YES1: variants seen among roughly 807,000 people sequenced by gnomAD.
The protein encoded by YES1 is YES proto-oncogene 1, Src family tyrosine kinase, also known as tyrosine-protein kinase Yes.
YES1 carries 39 observed loss-of-function variants against 70.4 expected under a neutral mutation model. The observed-to-expected ratio is 0.55, with a 90% CI of 0.43 to 0.72. The LOEUF (loss-of-function observed/expected upper bound fraction) is 0.72. Ranked by LOEUF, YES1 falls within the 30% of genes least tolerant of loss-of-function variation. YES1 has a pLI of 0.00. For missense variants in YES1, 495 were observed against 644.8 expected (o/e 0.77, Z 2.52); for synonymous variants, 198 against 218.6 (o/e 0.91, Z 0.83).
rs1038466424 is a variant in YES1 at position 722,008 on chromosome 18, TTAAG to T, written c.*2412_*2415del. The T allele has an allele frequency of 1.7e-5, 2 of 117,420 alleles. No individual in the cohort carries two copies. Among genetic ancestry groups the T allele is most frequent in the Admixed American group, 1.8e-4 (2 of 10,988 alleles). The allele number at this position is 117,420 out of a possible 1,614,324, so 7.3% of individuals were successfully genotyped here. On this transcript the variant is annotated 3_prime_UTR_variant, in exon 12 of 12. Coordinates refer to ENST00000314574, the MANE Select transcript of YES1 (RefSeq NM_005433.4). ...CAGAACAATTTAAAATGAATACACATTAAGTTAGTGTTTTATCCCTACTATACAA... is the reference window on the plus strand; with the variant it reads ...CAGAACAATTTAAAATGAATACACATTTAGTGTTTTATCCCTACTATACAA...
intron 2 of YES1, among the ~76,000 whole-genome samples, chr18:752,274 A>AT (rs1296839775): frequency 6.6e-6 from 1 of 151,998 alleles, no homozygotes; most frequent in Admixed American, 6.6e-5. Context: ...CACCTAGTTA[A>AT]TTTTTTTGTA....
intron 1 of YES1, among the ~76,000 whole-genome samples, chr18:808,000 G>A (rs1208742580): frequency 2.6e-5 from 4 of 152,120 alleles, no homozygotes; most frequent in Non-Finnish European, 5.9e-5. Context: ...CCTAGATTTG[G>A]GGGGGAAAAG....
chr18:764,976 C>T (rs895008500), intron 1 of YES1, among the ~76,000 whole-genome samples: 3 of 151,874 alleles, frequency 2.0e-5, no homozygotes, highest in Admixed American at 1.3e-4. Flanking sequence ...CCTTGTGATC[C>T]GTCCGCCTTA....
At position 724,465 on chromosome 18, in the gene YES1, T is replaced by A; in HGVS notation, c.1591A>T (p.Thr531Ser). 2 of 1,614,198 alleles carry A rather than the reference T, an allele frequency of 1.2e-6. No individual in the cohort carries two copies. The highest frequency in any genetic ancestry group is 1.7e-6 in the Non-Finnish European group (2 of 1,180,032). ...YIQSFLEDYF[T>S]ATEPQYQPGE... Reference sequence around the variant, plus strand: ...GGCTGGTACTGTGGCTCTGTAGCAGTGAAGTAGTCTTCCAAGAAGGACTGA... The same window carrying A: ...GGCTGGTACTGTGGCTCTGTAGCAGAGAAGTAGTCTTCCAAGAAGGACTGA... The change falls in exon 12 of 12, where the codon ACT (threonine) becomes TCT (serine). Residue 531 changes from threonine (T) to serine (S), a missense_variant. Thr to Ser is a moderately conservative substitution (Grantham distance 58, BLOSUM62 1). This residue lies in a region of YES1 where 385 missense variants were observed against 540.9 expected (regional missense o/e 0.71). Coordinates refer to ENST00000314574, the MANE Select transcript of YES1 (RefSeq NM_005433.4).
At chr18:736,694 A>G in intron 10 of YES1, 114 bp downstream of exon 10, 2 of 1,362,032 alleles carry the variant, frequency 1.5e-6, no homozygotes, top group South Asian at 1.5e-5. Context: ...CAATGTCTCT[A>G]TGACTCTTCT....
At chr18:798,913 T>C (rs1033955210) in intron 1 of YES1, among the ~76,000 whole-genome samples, 4 of 152,212 alleles carry the variant, frequency 2.6e-5, no homozygotes, top group Non-Finnish European at 5.9e-5. Context: ...CGTCAAAGGT[T>C]CTTTCTAGAA....
intron 11 of YES1, among the ~76,000 whole-genome samples, chr18:726,781 C>CAAAAAAAAAAAAAAAAAAAAAAAAAAAAA (rs58322434): frequency 2.1e-5 from 1 of 47,232 alleles, no homozygotes; most frequent in African/African-American, 8.7e-5. Context: ...ACTCTTGTCT[C>CAAAAAAAAAAAAAAAAAAAAAAAAAAAAA]AAAAAAAAAA....
intron 1 of YES1, among the ~76,000 whole-genome samples, chr18:791,007 T>C (rs1306954463): frequency 1.3e-5 from 2 of 152,216 alleles, no homozygotes; most frequent in Non-Finnish European, 2.9e-5. Context: ...CCCAGCATTT[T>C]GGAAGGCCAG....
chr18:737,331 T>A, intron 9 of YES1: 2 of 156,950 alleles, frequency 1.3e-5, no homozygotes, highest in Non-Finnish European at 2.8e-5. Flanking sequence ...CACATACCTG[T>A]AGTCCCAGCT....
Position 747,919 on chromosome 18 carries a change from C to G in YES1, c.470+1G>C. 1.2e-6 allele frequency: 2 copies of G among 1,612,684 alleles called. No homozygotes were observed. ...TAATAAAATATGAAGTAGTGCCATA[C>G]TCTTCTGCCTGAATGGAATCTGCAG... On this transcript the variant is annotated splice_donor_variant, in intron 4 of 11. Coordinates refer to ENST00000314574, the MANE Select transcript of YES1 (RefSeq NM_005433.4). LOFTEE classifies it high-confidence loss of function.
chr18:771,286 G>C (rs12454861), intron 1 of YES1, among the ~76,000 whole-genome samples: 50,614 of 151,788 alleles, frequency 0.33, 8,856 homozygotes, highest in African/African-American at 0.42. Flanking sequence ...AGACTCATTT[G>C]AACCTAGGAG....
intron 3 of YES1, among the ~76,000 whole-genome samples, chr18:751,109 T>C (rs1177954090): frequency 6.6e-6 from 1 of 152,134 alleles, no homozygotes; most frequent in East Asian, 1.9e-4. Context: ...GATGGGAACA[T>C]GGATGGAAGA....
At chr18:743,157 T>TG in intron 7 of YES1, 60 bp from the exon 8 acceptor site, 1 of 1,544,230 alleles carries the variant, frequency 6.5e-7, no homozygotes, top group South Asian at 1.3e-5. Flanking sequence ...CAAACTTCAG[T>TG]GAACAGCACT....
At chr18:794,727 G>A (rs1906450854) in intron 1 of YES1, among the ~76,000 whole-genome samples, 2 of 152,152 alleles carry the variant, frequency 1.3e-5, no homozygotes, top group African/African-American at 4.8e-5. Context: ...TCGTGCTCCT[G>A]GCTTACAGGT....
chr18:737,659 G>A (rs933274495), intron 9 of YES1, among the ~76,000 whole-genome samples: 1 of 152,216 alleles, frequency 6.6e-6, no homozygotes, highest in Admixed American at 6.5e-5. Flanking sequence ...ACTACAGCTT[G>A]TAGGCCAAAA....
chr18:783,324 T>C (rs9964147), intron 1 of YES1, among the ~76,000 whole-genome samples: 95,509 of 151,946 alleles, frequency 0.63, 31,179 homozygotes, highest in African/African-American at 0.82. Context: ...AACTAGTACA[T>C]CCTAAATGTC....
intron 1 of YES1, among the ~76,000 whole-genome samples, chr18:772,182 A>G (rs1905190612): frequency 6.7e-6 from 1 of 150,130 alleles, no homozygotes; most frequent in African/African-American, 2.5e-5. Context: ...GCATGCACCC[A>G]CCACATCCAG....
intron 1 of YES1, among the ~76,000 whole-genome samples, chr18:791,393 T>C (rs552518210): frequency 1.6e-4 from 24 of 152,208 alleles, no homozygotes; most frequent in African/African-American, 5.8e-4. Context: ...CTAAATACTA[T>C]CCTAAGTACT....
In YES1 at chr18:722,835, G is replaced by A. The variant is rs889821218; in HGVS notation, c.*1589C>T. ...AGGCTGGGCGCGGTGGCTCACGCCT[G>A]TAATCCCAGCACTTTGGGAGGCCGA... On this transcript the variant is annotated 3_prime_UTR_variant, in exon 12 of 12. Transcript: ENST00000314574. 7 of 152,250 alleles carry A rather than the reference G, an allele frequency of 4.6e-5. No homozygotes were observed. Among genetic ancestry groups the A allele is most frequent in the Non-Finnish European group, 1.0e-4 (7 of 68,070 alleles). The allele number at this position is 152,250 out of a possible 1,614,324, so 9.4% of individuals were successfully genotyped here.
Sources: gnomAD v4.1 joint callset for allele counts (sites outside exome capture counted in the v4.1 genomes callset) on GRCh38, gnomAD v4.1.1 for gene constraint, gnomAD v4.1.1 regional missense constraint, MANE v1.5 for transcripts, NCBI Gene and HGNC (gene_info 2026-07-23, HGNC 2026-07-21) for gene names.